The following RABL6 variants were observed in gnomAD, a reference collection of about 807,000 sequenced individuals.
RABL6 encodes rab-like protein 6.
Under a neutral mutation model 72.9 loss-of-function variants are expected in RABL6, and 28 were observed. That is an observed-to-expected ratio of 0.38 (90% CI 0.28 to 0.53). The LOEUF (loss-of-function observed/expected upper bound fraction) is 0.53. RABL6 is among the 20% of genes least tolerant of loss of function. The pLI is 0.80. For missense variants in RABL6, 1,029 were observed against 1,008.4 expected, an observed-to-expected ratio of 1.02 and a Z score of -0.28; for synonymous variants, 477 against 421.2, an observed-to-expected ratio of 1.13 and a Z score of -1.62.
At chr9:136,808,381 G>C in intron 1 of RABL6, 55 bp downstream of exon 1, 12 of 1,401,680 alleles carry the variant, frequency 8.6e-6, no homozygotes, top group Non-Finnish European at 1.1e-5. Context: ...TCCGAACCCA[G>C]GCCCCGGGCG....
At chr9:136,832,105 C>T in intron 6 of RABL6, 160 bp from the exon 7 acceptor site, 1 of 869,008 alleles carries the variant, frequency 1.2e-6, no homozygotes, top group Admixed American at 2.8e-5. Flanking sequence ...CAGAAGGGCA[C>T]TCGGCTTAGC....
intron 1 of RABL6, among the ~76,000 whole-genome samples, chr9:136,817,125 C>T (rs1193692112): frequency 5.3e-5 from 8 of 152,102 alleles, no homozygotes; most frequent in Non-Finnish European, 8.8e-5. Context: ...TAGTCATTAA[C>T]GTTAAATCAG....
At chr9:136,827,002 T>G (rs1848373763) in intron 3 of RABL6, 1 of 152,488 alleles carries the variant, frequency 6.6e-6, no homozygotes, top group African/African-American at 2.4e-5. Context: ...GGGCCCCCCC[T>G]TCCTGGTGGC....
chr9:136,831,636 C>A, intron 5 of RABL6, 85 bp from the exon 6 acceptor site: 1 of 1,568,378 alleles, frequency 6.4e-7, no homozygotes, highest in Non-Finnish European at 8.7e-7. Context: ...CCACCATCCT[C>A]GGGCCTGGGC....
Position 136,837,500 on chromosome 9 carries a change from C to T in RABL6, c.964C>T (p.Gln322Ter), listed in dbSNP as rs1477423146. ...CCCCGGCACACCCCAGCCCGCCCCA[C>T]AGCTGCCCCTCAATGCCGCCCCACC... ...SSPGTPQPAP[Q>*]LPLNAAPPSS... Residue 322 changes from glutamine to a stop codon, truncating the protein, a stop_gained, in exon 9 of 15, where the codon CAG (glutamine) becomes TAG (stop). Coordinates refer to ENST00000311502, the MANE Select transcript of RABL6 (RefSeq NM_024718.5). LOFTEE classifies it high-confidence loss of function. 2 of 1,542,438 alleles carry T rather than the reference C, an allele frequency of 1.3e-6. No individual in the cohort carries two copies. Among genetic ancestry groups the T allele is most frequent in the Non-Finnish European group, 1.7e-6 (2 of 1,147,552 alleles).
At chr9:136,815,371 C>T (rs1848098825) in intron 1 of RABL6, 1 of 277,904 alleles carries the variant, frequency 3.6e-6, no homozygotes. Flanking sequence ...GGGGTTGCAG[C>T]AGCCTTCTTG....
intron 6 of RABL6, 32 bp from the exon 7 acceptor site, chr9:136,832,233 T>G (rs1163283645): frequency 6.3e-7 from 1 of 1,581,542 alleles, no homozygotes; most frequent in Non-Finnish European, 8.7e-7. Flanking sequence ...CAAGGGTCTT[T>G]CTCTTGCATC....
intron 1 of RABL6, chr9:136,813,203 A>T: frequency 1.9e-6 from 1 of 512,886 alleles, no homozygotes; most frequent in South Asian, 1.7e-5. Flanking sequence ...CTCCAGCCTG[A>T]TTGCCCTGCC....
In RABL6 at chr9:136,831,881, T is replaced by C. The variant is rs774465778; in HGVS notation, c.599+20T>C. Reference sequence around the variant, plus strand: ...GGACAGGTGGGTGCGGTGGCCCTGCTCCCGAGGGACCCTGCCCGGTGCTCC... The same window carrying C: ...GGACAGGTGGGTGCGGTGGCCCTGCCCCCGAGGGACCCTGCCCGGTGCTCC... On this transcript the variant is annotated intron_variant, in intron 6 of 14. Coordinates refer to ENST00000311502, the MANE Select transcript of RABL6 (RefSeq NM_024718.5). 6.3e-7 allele frequency: 1 copy of C among 1,598,078 alleles called. No individual in the cohort carries two copies. The highest frequency in any genetic ancestry group is 1.3e-5 in the African/African-American group (1 of 74,674).
In RABL6 at chr9:136,839,393, T is replaced by A; in HGVS notation, c.1665T>A (p.Ser555Arg). The A allele has an allele frequency of 6.2e-7, 1 of 1,612,366 alleles. No homozygotes were observed. Residue 555 changes from serine (S) to arginine (R), a missense_variant, in exon 12 of 15, where the codon AGT becomes AGA. Coordinates refer to ENST00000311502, the MANE Select transcript of RABL6 (RefSeq NM_024718.5). ...GKGEQASSSE[S>R]DPEGPIAAQM... is the part of the protein sequence containing the mutation. Reference sequence around the variant, plus strand: ...GTGAGCAGGCCTCCTCGTCGGAGAGTGACCCCGAGGGACCCATTGCTGCAC... The same window carrying A: ...GTGAGCAGGCCTCCTCGTCGGAGAGAGACCCCGAGGGACCCATTGCTGCAC...
intron 6 of RABL6, 25 bp from the exon 7 acceptor site, chr9:136,832,240 C>A (rs1159283154): frequency 1.3e-6 from 2 of 1,599,140 alleles, no homozygotes; most frequent in Non-Finnish European, 8.6e-7. Context: ...CTTTCTCTTG[C>A]ATCTTTTTTC....
chr9:136,834,261 G>A (rs1159213101), intron 7 of RABL6: 9 of 1,098,642 alleles, frequency 8.2e-6, no homozygotes, highest in Middle Eastern at 3.9e-4. Context: ...ATGTAATACC[G>A]CATGTTAAAC....
At chr9:136,832,610 G>T in intron 7 of RABL6, 1 of 572,880 alleles carries the variant, frequency 1.7e-6, no homozygotes. Context: ...GGGACCCCTT[G>T]CTCAGTTTCC....
At chr9:136,830,878 C>T (rs1271667036) in intron 5 of RABL6, 1 of 153,110 alleles carries the variant, frequency 6.5e-6, no homozygotes, top group African/African-American at 2.4e-5. Context: ...CCCCTGGTGC[C>T]CAGCAGGAAG....
chr9:136,817,435 C>A (rs1461910926), intron 1 of RABL6, among the ~76,000 whole-genome samples: 2 of 152,154 alleles, frequency 1.3e-5, no homozygotes, highest in Non-Finnish European at 2.9e-5. Context: ...AAAAAGACTT[C>A]CCTGAGAGGA....
At position 136,825,770 on chromosome 9, in the gene RABL6, C is replaced by G. The variant is rs760819890; in HGVS notation, c.266-9C>G. On this transcript the variant is annotated splice_polypyrimidine_tract_variant and intron_variant, in intron 2 of 14. Coordinates refer to ENST00000311502, the MANE Select transcript of RABL6 (RefSeq NM_024718.5). ...TTGGGCACTAATTTTAGGATTCTCC[C>G]TGTTTCAGCCACGGATGACATCGTG... 1 of 1,613,346 alleles carries G rather than the reference C, an allele frequency of 6.2e-7. No homozygotes were observed. The highest frequency in any genetic ancestry group is 1.1e-5 in the South Asian group (1 of 91,068).
At chr9:136,815,467 C>T in intron 1 of RABL6, 1 of 275,264 alleles carries the variant, frequency 3.6e-6, no homozygotes, top group Non-Finnish European at 7.1e-6. Context: ...CTTCCTCCTT[C>T]TGCCTCCTTT....
intron 1 of RABL6, chr9:136,810,020 A>C (rs921871059): frequency 6.6e-6 from 1 of 152,288 alleles, no homozygotes; most frequent in Non-Finnish European, 1.5e-5. Flanking sequence ...TTTGAATAAA[A>C]ATAAAAGCTG....
intron 1 of RABL6, 199 bp downstream of exon 1, chr9:136,808,525 C>G: frequency 5.0e-6 from 2 of 398,366 alleles, no homozygotes; most frequent in Non-Finnish European, 3.9e-6. Flanking sequence ...TCCTCGCGGC[C>G]CCCGAGCCGC....
Sources: allele counts gnomAD v4.1 joint callset (sites outside exome capture counted in the v4.1 genomes callset), GRCh38; gene constraint gnomAD v4.1.1; transcripts MANE v1.5; gene names NCBI Gene and HGNC (gene_info 2026-07-23, HGNC 2026-07-21).